Variants in TDRKH observed in about 807,000 individuals in gnomAD.
TDRKH encodes the protein tudor and KH domain-containing protein.
In TDRKH, 28 loss-of-function variants were observed where a neutral mutation model predicts 61.3. The observed-to-expected ratio is 0.46, with a 90% CI of 0.34 to 0.63. The LOEUF (loss-of-function observed/expected upper bound fraction) is 0.63, where lower values mean the gene tolerates loss of function less well. Ranked by LOEUF, TDRKH falls within the 20% of genes least tolerant of loss-of-function variation. The pLI, the probability that TDRKH is intolerant of heterozygous loss-of-function variation, is 0.01. For missense variants in TDRKH, 540 were observed against 683.4 expected (o/e 0.79, Z 2.34); for synonymous variants, 219 against 244.4 (o/e 0.90, Z 0.97).
At chr1:151,774,950 C>A in intron 11 of TDRKH, 115 bp downstream of exon 11, 1 of 1,356,486 alleles carries the variant, frequency 7.4e-7, no homozygotes, top group East Asian at 2.3e-5. Flanking sequence ...TGGTCAACTA[C>A]TGGAGGAGCT....
At chr1:151,770,605 A>T (rs2101564377), downstream of TDRKH, 1 of 257,512 alleles carries the variant, frequency 3.9e-6, no homozygotes, top group South Asian at 5.7e-5. Flanking sequence ...GGGAACGGGG[A>T]CATATTTAAC....
chr1:151,766,794 C>A, downstream of TDRKH: 1 of 1,591,214 alleles, frequency 6.3e-7, no homozygotes, highest in East Asian at 2.3e-5. Context: ...ACGTAACTAC[C>A]TCTACCCGAT....
In TDRKH at chr1:151,774,499, C is replaced by G; in HGVS notation, c.1639G>C (p.Ala547Pro). 1 of 1,614,166 alleles carries G rather than the reference C, an allele frequency of 6.2e-7. No homozygotes were observed. The highest frequency in any genetic ancestry group is 8.5e-7 in the Non-Finnish European group (1 of 1,180,020). The change falls in exon 13 of 13, where the codon GCT becomes CCT. Residue 547 changes from alanine (A) to proline (P), a missense_variant. Physicochemically the swap from Ala to Pro is conservative, Grantham distance 27. Coordinates refer to ENST00000368824, the MANE Select transcript of TDRKH (RefSeq NM_001083965.2). ...TLSCLSLSEA[A>P]SMSGDDNLED... The stretch of plus-strand genomic sequence containing the variant: ...AGGTTATCATCACCAGACATGGAAG[C>G]AGCTTCTATTGAAGATAAATAAGAA...
Position 151,774,400 on chromosome 1 carries a change from T to C in TDRKH, c.*52A>G. On this transcript the variant is annotated 3_prime_UTR_variant, in exon 13 of 13. Transcript: ENST00000368824. ...CTTTCCTGTTGCTACAGATAGATGATAGCTGCACTCACACAGCAAAGCAGA... is the reference window on the plus strand; with the variant it reads ...CTTTCCTGTTGCTACAGATAGATGACAGCTGCACTCACACAGCAAAGCAGA... 1.3e-6 allele frequency: 2 copies of C among 1,596,492 alleles called. No individual in the cohort carries two copies. The highest frequency in any genetic ancestry group is 1.7e-6 in the Non-Finnish European group (2 of 1,166,242).
At position 151,774,325 on chromosome 1, in the gene TDRKH, G is replaced by A; in HGVS notation, c.*127C>T. 1 of 899,654 alleles carries A rather than the reference G, an allele frequency of 1.1e-6. No individual in the cohort carries two copies. Among genetic ancestry groups the A allele is most frequent in the South Asian group, 1.7e-5 (1 of 59,880 alleles). The allele number at this position is 899,654 out of a possible 1,614,324, so 55.7% of individuals were successfully genotyped here. ...GCTGCAGAGAAGTATATTAAGACAG[G>A]GCATGGGAAAGAGGGAATCAAAGCA... On this transcript the variant is annotated 3_prime_UTR_variant, in exon 13 of 13. Coordinates refer to ENST00000368824, the MANE Select transcript of TDRKH (RefSeq NM_001083965.2).
Position 151,776,233 on chromosome 1 carries a change from T to C in TDRKH, c.1080A>G (p.Val360=). 1 of 1,614,144 alleles carries C rather than the reference T, an allele frequency of 6.2e-7. No homozygotes were observed. Among genetic ancestry groups the C allele is most frequent in the Non-Finnish European group, 8.5e-7 (1 of 1,180,016 alleles). Residue 360 remains valine (V), a synonymous_variant, in exon 8 of 13, where the codon GTA becomes GTG. Transcript: ENST00000368824. ...EDLTVHVGDI[V]AAPLPTNGSW... ...AACCATTTGTAGGTAAAGGTGCTGC[T>C]ACAATGTCTCCTACATGCACAGTCA...
chr1:151,771,089 G>A (rs370594755), downstream of TDRKH: 198 of 1,594,522 alleles, frequency 1.2e-4, no homozygotes, highest in East Asian at 2.2e-3. Flanking sequence ...GCCCTGCTGC[G>A]GGCCTTCAGC....
In TDRKH at chr1:151,780,097, T is replaced by C. The variant is rs375106904; in HGVS notation, c.275A>G (p.Asp92Gly). ...TGARIDVDTE[D>G]VGDERVLLIS... ...AAGCAGCACTCGCTCATCGCCTACA[T>C]CCTCTGTGTCCACATCAATCCGAGC... Residue 92 changes from aspartate to glycine, a missense_variant, in exon 4 of 13, where the codon GAT (aspartate) becomes GGT (glycine). Transcript: ENST00000368824. 1.2e-6 allele frequency: 2 copies of C among 1,613,980 alleles called. No homozygotes were observed. Among genetic ancestry groups the C allele is most frequent in the Non-Finnish European group, 8.5e-7 (1 of 1,179,900 alleles).
At chr1:151,778,620 C>T in intron 6 of TDRKH, 65 bp downstream of exon 6, 4 of 1,603,016 alleles carry the variant, frequency 2.5e-6, no homozygotes, top group Non-Finnish European at 3.4e-6. Flanking sequence ...TCCTTCTAAT[C>T]TCTCCAATAT....
chr1:151,775,563 G>T lies in TDRKH; in HGVS notation c.1283-20C>A. ...GGTCACCTGGCAAAAGATTGTAGGG[G>T]TTACTGCTGATAGGGGTGGGGCTTA... On this transcript the variant is annotated intron_variant, in intron 9 of 12. Transcript: ENST00000368824. The T allele has an allele frequency of 6.2e-7, 1 of 1,609,306 alleles. No homozygotes were observed. The highest frequency in any genetic ancestry group is 8.5e-7 in the Non-Finnish European group (1 of 1,177,992).
chr1:151,774,716 A>G lies in TDRKH; in HGVS notation c.1627T>C (p.Leu543=). 6.2e-7 allele frequency: 1 copy of G among 1,614,146 alleles called. No individual in the cohort carries two copies. Among genetic ancestry groups the G allele is most frequent in the Non-Finnish European group, 8.5e-7 (1 of 1,180,000 alleles). Reference sequence around the variant, plus strand: ...GAGGAAATACTGCTTGTACCTGATAAGCTGAGGCAGGACAGGGTATGTGTT... The same window carrying G: ...GAGGAAATACTGCTTGTACCTGATAGGCTGAGGCAGGACAGGGTATGTGTT... ...EITHTLSCLS[L]SEAASMSGDD... is the part of the protein sequence containing the mutation. Residue 543 remains leucine (L), a synonymous_variant, in exon 12 of 13, where the codon TTA becomes CTA. Coordinates refer to ENST00000368824, the MANE Select transcript of TDRKH (RefSeq NM_001083965.2).
intron 6 of TDRKH, 129 bp from the exon 7 acceptor site, chr1:151,776,728 T>C (rs1649220536): frequency 9.8e-7 from 1 of 1,023,006 alleles, no homozygotes; most frequent in African/African-American, 1.6e-5. Context: ...GAGAGGCAAC[T>C]GGATGAATCA....
At chr1:151,785,635 G>C (rs1650242467) in intron 1 of TDRKH, among the ~76,000 whole-genome samples, 1 of 152,188 alleles carries the variant, frequency 6.6e-6, no homozygotes, top group South Asian at 2.1e-4. Flanking sequence ...CATGCTTGAA[G>C]AGGTTATCTA....
At chr1:151,782,183 C>T (rs1224634901) in intron 2 of TDRKH, among the ~76,000 whole-genome samples, 1 of 152,178 alleles carries the variant, frequency 6.6e-6, no homozygotes, top group Non-Finnish European at 1.5e-5. Context: ...AAAGACTAGG[C>T]CAGGTGCAGT....
At chr1:151,784,900 C>T (rs1475207661) in intron 1 of TDRKH, among the ~76,000 whole-genome samples, 2 of 151,688 alleles carry the variant, frequency 1.3e-5, no homozygotes, top group Admixed American at 1.3e-4. Context: ...ACCCCCTTCC[C>T]ATAATCTTTG....
At chr1:151,788,540 T>C (rs190182693) in intron 1 of TDRKH, among the ~76,000 whole-genome samples, 11 of 152,326 alleles carry the variant, frequency 7.2e-5, no homozygotes, top group Admixed American at 5.2e-4. Context: ...TTATGGGGCA[T>C]AGAAATCACA....
At chr1:151,770,235 C>G, downstream of TDRKH, 1 of 1,613,760 alleles carries the variant, frequency 6.2e-7, no homozygotes, top group African/African-American at 1.3e-5. Flanking sequence ...TTGTGAACTT[C>G]CAGAATGATC....
At position 151,776,669 on chromosome 1, in the gene TDRKH, G is replaced by A. The variant is rs1649216151; in HGVS notation, c.884-70C>T. On this transcript the variant is annotated intron_variant, in intron 6 of 12. Coordinates refer to ENST00000368824, the MANE Select transcript of TDRKH (RefSeq NM_001083965.2). ...GGTTGGAATGAAGAGACTAACCAGG[G>A]TAGTGAGAGGTACAAATACCAATGG... is the stretch of plus-strand genomic sequence containing the variant. The A allele has an allele frequency of 3.9e-6, 6 of 1,551,594 alleles. No individual in the cohort carries two copies. The South Asian group carries it at 6.0e-5, about 15-fold the overall frequency.
downstream of TDRKH, chr1:151,773,458 C>T (rs1648860006): frequency 6.5e-6 from 1 of 152,744 alleles, no homozygotes; most frequent in East Asian, 1.9e-4. Flanking sequence ...AGCCTGCTTC[C>T]ACCTTGTGAT....
Sources: gnomAD v4.1 joint callset for allele counts (sites outside exome capture counted in the v4.1 genomes callset) on GRCh38, gnomAD v4.1.1 for gene constraint, MANE v1.5 for transcripts, NCBI Gene and HGNC (gene_info 2026-07-23, HGNC 2026-07-21) for gene names.